Variants in KIAA0319L observed in about 807,000 individuals in gnomAD.
KIAA0319L encodes the protein KIAA0319 like, also known as dyslexia-associated protein KIAA0319-like protein.
KIAA0319L carries 55 observed loss-of-function variants against 120.1 expected under a neutral mutation model. That is an observed-to-expected ratio of 0.46 (90% CI 0.37 to 0.57). The LOEUF (loss-of-function observed/expected upper bound fraction) is 0.57. Ranked by LOEUF, KIAA0319L falls within the 20% of genes least tolerant of loss-of-function variation. KIAA0319L has a pLI of 0.00. For missense variants in KIAA0319L, 1,049 were observed against 1,255.3 expected, an observed-to-expected ratio of 0.84 and a Z score of 2.48; for synonymous variants, 398 against 471.9, an observed-to-expected ratio of 0.84 and a Z score of 2.03.
intron 7 of KIAA0319L, among the ~76,000 whole-genome samples, chr1:35,465,839 T>C (rs566067234): frequency 2.0e-5 from 3 of 151,570 alleles, no homozygotes; most frequent in African/African-American, 7.2e-5. Context: ...GTGAATGAGA[T>C]TTGATGGTTT....
chr1:35,535,710 GCCA>G (rs1449927539), intron 2 of KIAA0319L, among the ~76,000 whole-genome samples: 1 of 151,998 alleles, frequency 6.6e-6, no homozygotes, highest in Non-Finnish European at 1.5e-5. Flanking sequence ...TTTTAGCTCG[GCCA>G]CCACTTTTTC....
intron 18 of KIAA0319L, 41 bp from the exon 19 acceptor site, chr1:35,442,377 G>T: frequency 6.6e-7 from 1 of 1,504,572 alleles, no homozygotes; most frequent in Non-Finnish European, 9.3e-7. Flanking sequence ...TGGAGGGAGA[G>T]GCTGGGAGGG....
At position 35,451,613 on chromosome 1, in the gene KIAA0319L, G is replaced by A. The variant is rs1201124660; in HGVS notation, c.2062+15C>T. The A allele has an allele frequency of 1.9e-6, 3 of 1,612,684 alleles. No individual in the cohort carries two copies. Among genetic ancestry groups the A allele is most frequent in the Admixed American group, 1.7e-5 (1 of 59,918 alleles). ...CCCTAAGAGGCTGCTACACAAACTG[G>A]AGGCAGAGAGGTACCTTCTTTGACA... On this transcript the variant is annotated intron_variant, in intron 13 of 20. Transcript: ENST00000325722.
Position 35,434,663 on chromosome 1 carries a change from G to A in KIAA0319L, c.*231C>T, listed in dbSNP as rs1640647420. 5.8e-6 allele frequency: 3 copies of A among 516,878 alleles called. No individual in the cohort carries two copies. The highest frequency in any genetic ancestry group is 6.8e-6 in the Non-Finnish European group (2 of 293,534). The allele number at this position is 516,878 out of a possible 1,614,324, so 32.0% of individuals were successfully genotyped here. A position where few individuals can be genotyped will look rare whatever the true frequency, so the allele number is the denominator to read the frequency against. On this transcript the variant is annotated 3_prime_UTR_variant, in exon 21 of 21. Coordinates refer to ENST00000325722, the MANE Select transcript of KIAA0319L (RefSeq NM_024874.5). ...GCAAAAAAAGGAGGCCCTGAGGTGA[G>A]GATATCTGGGGGCCCACCAGACAGG...
rs140422006 is a variant in KIAA0319L at position 35,460,700 on chromosome 1, A to G, written c.1295-263T>C. Among the ~76,000 whole-genome samples the G allele has an allele frequency of 4.0e-3, 617 of 152,382 alleles. 1 individual carries two copies. The highest frequency in any genetic ancestry group is 6.5e-3 in the Non-Finnish European group (443 of 68,030). ...CTACTGTATGAAGAAAGGAAAAGCAATAATTCTTAAACACATGAAAAAATA... is the reference window on the plus strand; with the variant it reads ...CTACTGTATGAAGAAAGGAAAAGCAGTAATTCTTAAACACATGAAAAAATA... On this transcript the variant is annotated intron_variant, in intron 8 of 20. Coordinates refer to ENST00000325722, the MANE Select transcript of KIAA0319L (RefSeq NM_024874.5).
At chr1:35,526,948 T>G (rs934440843) in intron 2 of KIAA0319L, among the ~76,000 whole-genome samples, 2 of 152,158 alleles carry the variant, frequency 1.3e-5, no homozygotes, top group Non-Finnish European at 2.9e-5. Context: ...CATGGCAGCA[T>G]GCACCTATAG....
chr1:35,466,134 A>G (rs1643249893), intron 7 of KIAA0319L, among the ~76,000 whole-genome samples: 2 of 152,168 alleles, frequency 1.3e-5, no homozygotes, highest in South Asian at 4.1e-4. Flanking sequence ...ACAGTGGTTC[A>G]TTTTAAAAGA....
In KIAA0319L at chr1:35,437,370, C is replaced by T. The variant is rs1215159022; in HGVS notation, c.2963-2289G>A. 1.3e-5 allele frequency among the ~76,000 whole-genome samples: 2 copies of T among 152,198 alleles called. No individual in the cohort carries two copies. Among genetic ancestry groups the T allele is most frequent in the African/African-American group, 4.8e-5 (2 of 41,466 alleles). Reference sequence around the variant, plus strand: ...AGTCAGGAAGCACCTCTCCAACGCACCACTCCTCTACCTGCATTCGACATT... The same window carrying T: ...AGTCAGGAAGCACCTCTCCAACGCATCACTCCTCTACCTGCATTCGACATT... On this transcript the variant is annotated intron_variant, in intron 20 of 20. Coordinates refer to ENST00000325722, the MANE Select transcript of KIAA0319L (RefSeq NM_024874.5). This position sits in a 1 kb window ranked among gnomAD's most constrained non-coding sequence, Gnocchi z 4.1.
At chr1:35,515,666 C>G (rs1179064747) in intron 2 of KIAA0319L, among the ~76,000 whole-genome samples, 1 of 151,988 alleles carries the variant, frequency 6.6e-6, no homozygotes, top group East Asian at 1.9e-4. Context: ...AAGAACAAAT[C>G]AAACCCAAAG....
intron 5 of KIAA0319L, among the ~76,000 whole-genome samples, chr1:35,471,195 C>A (rs879344828): frequency 3.9e-5 from 6 of 152,156 alleles, no homozygotes; most frequent in Non-Finnish European, 8.8e-5. Context: ...TTATTCCTGC[C>A]CTATACCGAC....
intron 2 of KIAA0319L, among the ~76,000 whole-genome samples, chr1:35,513,289 T>TATATA (rs1491413167): frequency 1.6e-3 from 110 of 70,538 alleles, no homozygotes; most frequent in Admixed American, 6.3e-3. Context: ...TATATATATA[T>TATATA]TTTTTTTTTT....
chr1:35,557,549 C>A, upstream of KIAA0319L: 1 of 397,266 alleles, frequency 2.5e-6, no homozygotes, highest in Non-Finnish European at 5.0e-6. Context: ...AAACTACGCA[C>A]AAGCGAAGGA....
At chr1:35,536,628 C>T (rs1646582730) in intron 2 of KIAA0319L, among the ~76,000 whole-genome samples, 2 of 152,224 alleles carry the variant, frequency 1.3e-5, no homozygotes, top group Admixed American at 1.3e-4. Context: ...CCTTTAACTT[C>T]TACCTAAAAC....
chr1:35,451,668 G>A lies in KIAA0319L; in HGVS notation c.2022C>T (p.Asn674=), dbSNP rs1011936140. The part of the protein sequence containing the change: ...VFTLTVKDER[N]LQSQSSVNVI... ...CATTCACAGAGCTCTGGCTTTGCAG[G>A]TTCCTCTCATCTTTGACAGTCAAGG... Residue 674 remains asparagine, a synonymous_variant, in exon 13 of 21, where the codon AAC becomes AAT. Transcript: ENST00000325722. 1.2e-6 allele frequency: 2 copies of A among 1,614,096 alleles called. No homozygotes were observed. The highest frequency in any genetic ancestry group is 1.7e-6 in the Non-Finnish European group (2 of 1,179,988).
intron 6 of KIAA0319L, among the ~76,000 whole-genome samples, chr1:35,468,177 A>G (rs959823055): frequency 1.3e-5 from 2 of 149,798 alleles, no homozygotes; most frequent in African/African-American, 4.9e-5. Flanking sequence ...CTTTTGAAGT[A>G]TTTTCTTTGG....
chr1:35,503,508 G>A (rs953987292), intron 3 of KIAA0319L, among the ~76,000 whole-genome samples: 1 of 152,200 alleles, frequency 6.6e-6, no homozygotes, highest in East Asian at 1.9e-4. Context: ...TCTCTTCAGA[G>A]CAAGAAACAA....
chr1:35,527,911 CT>C (rs1646215778), intron 2 of KIAA0319L, among the ~76,000 whole-genome samples: 2 of 151,134 alleles, frequency 1.3e-5, no homozygotes, highest in African/African-American at 4.9e-5. Flanking sequence ...CTTCCTTCTA[CT>C]AATTTTGGGT....
intron 1 of KIAA0319L, among the ~76,000 whole-genome samples, chr1:35,556,234 T>C (rs1648011074): frequency 6.6e-6 from 1 of 152,212 alleles, no homozygotes; most frequent in African/African-American, 2.4e-5. Context: ...CAGCAGCTGT[T>C]CAGACAGAGC....
chr1:35,470,817 T>G, intron 6 of KIAA0319L, 46 bp downstream of exon 6: 1 of 1,136,236 alleles, frequency 8.8e-7, no homozygotes, highest in Non-Finnish European at 1.3e-6. Flanking sequence ...TAGAAAACAG[T>G]CAACTCCTCT....
Sources: gnomAD v4.1 joint callset for allele counts (sites outside exome capture counted in the v4.1 genomes callset) on GRCh38, gnomAD v4.1.1 for gene constraint, Gnocchi (gnomAD v3.1) non-coding constraint, MANE v1.5 for transcripts, NCBI Gene and HGNC (gene_info 2026-07-23, HGNC 2026-07-21) for gene names.